The following AKT2 variants were observed in gnomAD, a reference collection of about 807,000 sequenced individuals.
AKT2 encodes RAC-beta serine/threonine-protein kinase.
AKT2 carries 16 observed loss-of-function variants against 58.6 expected under a neutral mutation model. The ratio of observed to expected loss-of-function variants is 0.27; its 90% CI spans 0.18 to 0.41. The LOEUF is 0.41. AKT2 is among the 10% of genes least tolerant of loss of function. The probability of loss-of-function intolerance (pLI) is 1.00; values close to 1 mark genes in which losing one functional copy is unlikely to be tolerated. For synonymous variants in AKT2, 253 were observed against 254.0 expected (o/e 1.00, Z 0.04); for missense variants, 438 against 661.0 (o/e 0.66, Z 3.70).
intron 1 of AKT2, chr19:40,282,953 CTT>C: frequency 1.2e-5 from 2 of 167,022 alleles, no homozygotes; most frequent in South Asian, 1.3e-4. Context: ...TCTGGGAAAT[CTT>C]TGCACTTCAC....
Position 40,234,530 on chromosome 19 carries a change from C to G in AKT2, c.1366+515G>C, listed in dbSNP as rs1311920522. 1 of 300,496 alleles carries G rather than the reference C, an allele frequency of 3.3e-6. No homozygotes were observed. The highest frequency in any genetic ancestry group is 6.2e-6 in the Non-Finnish European group (1 of 161,548). The allele number at this position is 300,496 out of a possible 1,614,324, so 18.6% of individuals were successfully genotyped here. Reference sequence around the variant, plus strand: ...GCATCCCACACGTCATTCCTCCGGCCAGCTGACACGTTTGCTTCCTCCTCT... The same window carrying G: ...GCATCCCACACGTCATTCCTCCGGCGAGCTGACACGTTTGCTTCCTCCTCT... On this transcript the variant is annotated intron_variant, in intron 13 of 13. Coordinates refer to ENST00000392038, the MANE Select transcript of AKT2 (RefSeq NM_001626.6). This position sits in a 1 kb window ranked among gnomAD's most constrained non-coding sequence, Gnocchi z 4.7.
At position 40,235,407 on chromosome 19, in the gene AKT2, G is replaced by A. The variant is rs1278146840; in HGVS notation, c.1176-57C>T. ...CCGGAGCAGCTGGGTTCGGGCAGAC[G>A]GGCTTTCGGAGCAGGCAGGCCCTGT... is the stretch of plus-strand genomic sequence containing the variant. On this transcript the variant is annotated intron_variant, in intron 11 of 13. Coordinates refer to ENST00000392038, the MANE Select transcript of AKT2 (RefSeq NM_001626.6). This position sits in a 1 kb window ranked among gnomAD's most constrained non-coding sequence, Gnocchi z 6.3. 11 of 1,547,094 alleles carry A rather than the reference G, an allele frequency of 7.1e-6. No individual in the cohort carries two copies. The highest frequency in any genetic ancestry group is 2.2e-5 in the South Asian group (2 of 89,770).
At chr19:40,254,542 A>AGG (rs1211778096) in intron 4 of AKT2, among the ~76,000 whole-genome samples, 1 of 149,968 alleles carries the variant, frequency 6.7e-6, no homozygotes, top group Admixed American at 6.6e-5. Context: ...AAAAAAAAAA[A>AGG]GGGGGTCAGG....
intron 1 of AKT2, chr19:40,275,109 G>A (rs889628527): frequency 1.5e-5 from 7 of 456,680 alleles, no homozygotes; most frequent in East Asian, 1.4e-4. Flanking sequence ...TACCCACAGC[G>A]AGAGACAGCA....
At chr19:40,282,583 T>C (rs368100287) in intron 1 of AKT2, 6 of 531,110 alleles carry the variant, frequency 1.1e-5, no homozygotes, top group African/African-American at 3.9e-5. Flanking sequence ...GTCACCTCTA[T>C]AGGTAGAGGA....
Position 40,235,932 on chromosome 19 carries a change from T to C in AKT2, c.1133A>G (p.Lys378Arg), listed in dbSNP as rs529742537. The change falls in exon 11 of 14, where the codon AAG (lysine) becomes AGG (arginine). Residue 378 changes from lysine to arginine, a missense_variant. By Grantham distance (26) the Lys-to-Arg change is conservative (BLOSUM62 2). Transcript: ENST00000392038. The surrounding 1 kb of genome is among the most constrained non-coding windows in gnomAD (Gnocchi z 6.3). ...CTTAAGCAGCCCAGCAAGCAGGGACTTGGCCTCGGGGCTGAGCGTGCGCGG... is the reference window on the plus strand; with the variant it reads ...CTTAAGCAGCCCAGCAAGCAGGGACCTGGCCTCGGGGCTGAGCGTGCGCGG... ...RFPRTLSPEA[K>R]SLLAGLLKKD... 1.2e-6 allele frequency: 2 copies of C among 1,613,664 alleles called. No individual in the cohort carries two copies. Among genetic ancestry groups the C allele is most frequent in the African/African-American group, 2.7e-5 (2 of 75,054 alleles).
chr19:40,270,172 C>T (rs757186669), intron 1 of AKT2, among the ~76,000 whole-genome samples: 1 of 152,218 alleles, frequency 6.6e-6, no homozygotes, highest in Non-Finnish European at 1.5e-5. Flanking sequence ...AGCATGCCCA[C>T]CCTACCTCCC....
chr19:40,233,020 C>T lies in AKT2; in HGVS notation c.*852G>A, dbSNP rs1973791885. The T allele has an allele frequency of 4.3e-6, 1 of 234,264 alleles. No homozygotes were observed. Among genetic ancestry groups the T allele is most frequent in the Non-Finnish European group, 8.4e-6 (1 of 118,924 alleles). The allele number at this position is 234,264 out of a possible 1,614,324, so 14.5% of individuals were successfully genotyped here. On this transcript the variant is annotated 3_prime_UTR_variant, in exon 14 of 14. Coordinates refer to ENST00000392038, the MANE Select transcript of AKT2 (RefSeq NM_001626.6). The surrounding 1 kb of genome is among the most constrained non-coding windows in gnomAD (Gnocchi z 4.3). ...CAGCCAAGGCTGGTGGCCCTCCACC[C>T]CCGCAGAGGAGAGGGTGAGCCCAGC...
At chr19:40,240,391 G>A (rs1974319990) in intron 6 of AKT2, 2 of 648,548 alleles carry the variant, frequency 3.1e-6, no homozygotes, top group Non-Finnish European at 5.8e-6. Flanking sequence ...TCCCTGCAAG[G>A]GAGACAAACA....
chr19:40,240,668 G>C (rs1192935665), intron 6 of AKT2: 5 of 262,262 alleles, frequency 1.9e-5, no homozygotes, highest in Non-Finnish European at 3.8e-5. Context: ...CTGTACAGCA[G>C]AACCACCAGG....
At position 40,238,172 on chromosome 19, in the gene AKT2, C is replaced by G; in HGVS notation, c.709-81G>C. 6.5e-7 allele frequency: 1 copy of G among 1,526,834 alleles called. No individual in the cohort carries two copies. Among genetic ancestry groups the G allele is most frequent in the Admixed American group, 2.0e-5 (1 of 50,772 alleles). 94.6% of individuals were successfully genotyped at this position (1,526,834 alleles called of 1,614,324 possible). Reference sequence around the variant, plus strand: ...TCACCTTCCCAGCCCCCTGCCCCAGCGCAGTGATGTGGTGACACCTGTATC... The same window carrying G: ...TCACCTTCCCAGCCCCCTGCCCCAGGGCAGTGATGTGGTGACACCTGTATC... On this transcript the variant is annotated intron_variant, in intron 8 of 13. Transcript: ENST00000392038. This position sits in a 1 kb window ranked among gnomAD's most constrained non-coding sequence, Gnocchi z 5.1.
chr19:40,266,140 T>C (rs1251602327), intron 1 of AKT2: 2 of 152,476 alleles, frequency 1.3e-5, no homozygotes, highest in Non-Finnish European at 2.9e-5. Flanking sequence ...CCGAGGCCAC[T>C]GCTTCGTCTC....
At chr19:40,276,700 CAT>C (rs377385262) in intron 1 of AKT2, among the ~76,000 whole-genome samples, 86 of 151,898 alleles carry the variant, frequency 5.7e-4, no homozygotes, top group African/African-American at 2.0e-3. Flanking sequence ...TGCCCAAGCA[CAT>C]GTTTATGTTA....
At chr19:40,250,982 T>C (rs1439031133) in intron 4 of AKT2, among the ~76,000 whole-genome samples, 1 of 152,098 alleles carries the variant, frequency 6.6e-6, no homozygotes, top group African/African-American at 2.4e-5. Flanking sequence ...GAGGGAGGAT[T>C]GCTTGAGACC....
chr19:40,247,880 C>T (rs990180787), intron 4 of AKT2, among the ~76,000 whole-genome samples: 1 of 152,088 alleles, frequency 6.6e-6, no homozygotes, highest in Non-Finnish European at 1.5e-5. Context: ...GGCACTTCTA[C>T]CTCCAAGAGC....
At chr19:40,268,117 C>T (rs1976494826) in intron 1 of AKT2, among the ~76,000 whole-genome samples, 2 of 152,206 alleles carry the variant, frequency 1.3e-5, no homozygotes. Flanking sequence ...CACGGACCTA[C>T]ACCACACCTT....
In AKT2 at chr19:40,235,220, C is replaced by G. The variant is rs1394261606; in HGVS notation, c.1263+43G>C. ...CTCAACCAAGGTCACCACGAGTGGG[C>G]CAGGTCCCTGAGGGTCCTGCTGGGG... On this transcript the variant is annotated intron_variant, in intron 12 of 13. Coordinates refer to ENST00000392038, the MANE Select transcript of AKT2 (RefSeq NM_001626.6). This position sits in a 1 kb window ranked among gnomAD's most constrained non-coding sequence, Gnocchi z 6.3. 6.2e-7 allele frequency: 1 copy of G among 1,612,928 alleles called. No homozygotes were observed. Among genetic ancestry groups the G allele is most frequent in the Non-Finnish European group, 8.5e-7 (1 of 1,178,908 alleles).
chr19:40,236,328 A>G lies in AKT2; in HGVS notation c.889T>C (p.Cys297Arg). ...GHIKITDFGL[C>R]KEGISDGATM... The stretch of plus-strand genomic sequence containing the variant: ...GCCCCGTCACTGATGCCCTCTTTGC[A>G]GAGGCCAAAGTCAGTGATCTTGATG... Residue 297 changes from cysteine to arginine, a missense_variant, in exon 10 of 14, where the codon TGC becomes CGC. By Grantham distance (180) the Cys-to-Arg change is radical. This residue lies in a region of AKT2 where 46 missense variants were observed against 114.5 expected (regional missense o/e 0.40). Transcript: ENST00000392038. The G allele has an allele frequency of 6.2e-7, 1 of 1,614,204 alleles. No individual in the cohort carries two copies. The highest frequency in any genetic ancestry group is 8.5e-7 in the Non-Finnish European group (1 of 1,180,036).
intron 1 of AKT2, among the ~76,000 whole-genome samples, chr19:40,271,821 C>T (rs2077221432): frequency 6.6e-6 from 1 of 152,332 alleles, no homozygotes; most frequent in Admixed American, 6.5e-5. Flanking sequence ...CTAAAGCCAA[C>T]AGAACACCTT....
Sources: allele counts gnomAD v4.1 joint callset (sites outside exome capture counted in the v4.1 genomes callset), GRCh38; gene constraint gnomAD v4.1.1; regional missense constraint gnomAD v4.1.1; non-coding constraint Gnocchi (gnomAD v3.1); transcripts MANE v1.5; gene names NCBI Gene and HGNC (gene_info 2026-07-23, HGNC 2026-07-21).